The following PCDHGA1 variants were observed in gnomAD, a reference collection of about 807,000 sequenced individuals.
PCDHGA1 encodes protocadherin gamma-A1.
PCDHGA1 carries 32 observed loss-of-function variants against 58.0 expected under a neutral mutation model. The observed-to-expected ratio is 0.55, with a 90% confidence interval of 0.42 to 0.74. PCDHGA1 has a LOEUF of 0.74. Ranked by LOEUF, PCDHGA1 falls within the 30% of genes least tolerant of loss-of-function variation. The probability of loss-of-function intolerance (pLI) is 0.00; values close to 1 mark genes in which losing one functional copy is unlikely to be tolerated. For synonymous variants in PCDHGA1, 498 were observed against 501.1 expected, an observed-to-expected ratio of 0.99 and a Z score of 0.08; for missense variants, 1,205 against 1,182.3, an observed-to-expected ratio of 1.02 and a Z score of -0.28.
intron 1 of PCDHGA1, chr5:141,478,687 A>G: frequency 6.4e-7 from 1 of 1,551,218 alleles, no homozygotes; most frequent in Middle Eastern, 1.7e-4. Context: ...CCCTTCCTAG[A>G]TCAAAGTTAG....
At chr5:141,475,145 C>T (rs1214674720) in intron 1 of PCDHGA1, among the ~76,000 whole-genome samples, 2 of 151,980 alleles carry the variant, frequency 1.3e-5, no homozygotes, top group Non-Finnish European at 1.5e-5. Flanking sequence ...AAATCTTCTC[C>T]GTCTTCTTCT....
intron 1 of PCDHGA1, among the ~76,000 whole-genome samples, chr5:141,460,577 TGTG>T (rs2098992364): frequency 6.6e-6 from 1 of 152,094 alleles, no homozygotes; most frequent in African/African-American, 2.4e-5. Context: ...CATATGTAGG[TGTG>T]GGTTTTTTCT....
In PCDHGA1 at chr5:141,402,929, A is replaced by G. The variant is rs751760276; in HGVS notation, c.2421+69824A>G. 12 of 1,583,076 alleles carry G rather than the reference A, an allele frequency of 7.6e-6. No individual in the cohort carries two copies. In the South Asian group the frequency reaches 1.3e-4, roughly 17 times the overall value. On this transcript the variant is annotated intron_variant, in intron 1 of 3. Coordinates refer to ENST00000517417, the MANE Select transcript of PCDHGA1 (RefSeq NM_018912.3). ...AGCAGCGCGCACAGAGATCCTTTTG[A>G]GAAAATTCCAAAGCGAGGCAGCAAT...
At chr5:141,360,251 A>G (rs1761497607) in intron 1 of PCDHGA1, 1 of 1,613,914 alleles carries the variant, frequency 6.2e-7, no homozygotes, top group Admixed American at 1.7e-5. Context: ...TCAATTCCAG[A>G]GGAGCTGGCC....
At chr5:141,494,979 T>C in intron 2 of PCDHGA1, 114 bp downstream of exon 2, 1 of 1,571,464 alleles carries the variant, frequency 6.4e-7, no homozygotes, top group Admixed American at 1.8e-5. Flanking sequence ...TCCCTCAGTT[T>C]GAGATCCCAG....
chr5:141,402,895 A>G, intron 1 of PCDHGA1: 1 of 1,505,744 alleles, frequency 6.6e-7, no homozygotes, highest in South Asian at 1.4e-5. Context: ...GGAAGAAAGA[A>G]CCTGATGAAG....
Position 141,376,615 on chromosome 5 carries a change from T to C in PCDHGA1, c.2421+43510T>C, listed in dbSNP as rs917883333. ...GGCTGTTATAGAAGCGAACCTCTTT[T>C]GGTACAGGAAGATTCGTGATTTTGT... On this transcript the variant is annotated intron_variant, in intron 1 of 3. Transcript: ENST00000517417. 24 of 1,439,268 alleles carry C rather than the reference T, an allele frequency of 1.7e-5. 1 individual carries two copies. In the Admixed American group the frequency reaches 2.3e-4, roughly 14 times the overall value. The allele number at this position is 1,439,268 out of a possible 1,614,324, so 89.2% of individuals were successfully genotyped here.
At position 141,420,439 on chromosome 5, in the gene PCDHGA1, C is replaced by T. The variant is rs2096496531; in HGVS notation, c.2422-74368C>T. ...TTAAAACAAAAGTTTAAATTAAATGCCTCAGTCTTCCTACTATTCAAAGAC... is the reference window on the plus strand; with the variant it reads ...TTAAAACAAAAGTTTAAATTAAATGTCTCAGTCTTCCTACTATTCAAAGAC... On this transcript the variant is annotated intron_variant, in intron 1 of 3. Coordinates refer to ENST00000517417, the MANE Select transcript of PCDHGA1 (RefSeq NM_018912.3). 10 of 1,073,160 alleles carry T rather than the reference C, an allele frequency of 9.3e-6. No individual in the cohort carries two copies. In the South Asian group the frequency reaches 2.0e-4, roughly 22 times the overall value. The allele number at this position is 1,073,160 out of a possible 1,614,324, so 66.5% of individuals were successfully genotyped here.
Position 141,485,996 on chromosome 5 carries a change from G to A in PCDHGA1, c.2422-8811G>A, listed in dbSNP as rs114142606. On this transcript the variant is annotated intron_variant, in intron 1 of 3. Coordinates refer to ENST00000517417, the MANE Select transcript of PCDHGA1 (RefSeq NM_018912.3). The surrounding 1 kb of genome is among the most constrained non-coding windows in gnomAD (Gnocchi z 5.7). ...CTCAGACCCGGACCTGGGTCCCAGT[G>A]GTAACGTCACCTTTTATTTCAGTGG... The A allele has an allele frequency of 1.6e-4, 256 of 1,614,178 alleles. 1 individual carries two copies. Among genetic ancestry groups the A allele is most frequent in the Middle Eastern group, 1.5e-3 (9 of 6,062 alleles).
Position 141,489,767 on chromosome 5 carries a change from G to T in PCDHGA1, c.2422-5040G>T, listed in dbSNP as rs2099691977. On this transcript the variant is annotated intron_variant, in intron 1 of 3. Transcript: ENST00000517417. This position sits in a 1 kb window ranked among gnomAD's most constrained non-coding sequence, Gnocchi z 4.5. ...AGCTTTTACACTCTAAGCCCCAACA[G>T]CCACTTCTCTCTGAATGTGAAGACC... The T allele has an allele frequency of 6.2e-7, 1 of 1,614,028 alleles. No homozygotes were observed. Among genetic ancestry groups the T allele is most frequent in the African/African-American group, 1.3e-5 (1 of 74,938 alleles).
rs922534210 is a variant in PCDHGA1, at chr5:141,334,511, T to C, written c.2421+1406T>C. 6.6e-6 allele frequency: 1 copy of C among 152,242 alleles called. No homozygotes were observed. Among genetic ancestry groups the C allele is most frequent in the African/African-American group, 2.4e-5 (1 of 41,404 alleles). The allele number at this position is 152,242 out of a possible 1,614,324, so 9.4% of individuals were successfully genotyped here. On this transcript the variant is annotated intron_variant, in intron 1 of 3. Transcript: ENST00000517417. The surrounding 1 kb of genome is among the most constrained non-coding windows in gnomAD (Gnocchi z 4.6). ...GGGCGGGGCGGGGCAGGAGCTGACG[T>C]GGGAGGATCCCTTGAGCCCAGGAAG... is the stretch of plus-strand genomic sequence containing the variant.
Position 141,352,545 on chromosome 5 carries a change from A to G in PCDHGA1, c.2421+19440A>G, listed in dbSNP as rs757217800. 16 of 1,613,950 alleles carry G rather than the reference A, an allele frequency of 9.9e-6. No homozygotes were observed. Among genetic ancestry groups the G allele is most frequent in the Non-Finnish European group, 1.4e-5 (16 of 1,179,878 alleles). ...TCTCATTCTGCAAAGACAGAGTTTA[A>G]TTCTCTCAACCTGACACCGGAAATG... On this transcript the variant is annotated intron_variant, in intron 1 of 3. Transcript: ENST00000517417.
intron 1 of PCDHGA1, chr5:141,376,901 A>G: frequency 5.2e-6 from 1 of 191,460 alleles, no homozygotes. Context: ...GTTAGCCAGG[A>G]TGGTCTCGAT....
Position 141,490,004 on chromosome 5 carries a change from C to T in PCDHGA1, c.2422-4803C>T. On this transcript the variant is annotated intron_variant, in intron 1 of 3. Coordinates refer to ENST00000517417, the MANE Select transcript of PCDHGA1 (RefSeq NM_018912.3). This position sits in a 1 kb window ranked among gnomAD's most constrained non-coding sequence, Gnocchi z 5.4. ...CTACGTGTGGGAATCCCAGAGAATG[C>T]ACCCATTGGTACTCTGCTGCTCCGC... The T allele has an allele frequency of 1.9e-6, 3 of 1,614,174 alleles. No individual in the cohort carries two copies. Among genetic ancestry groups the T allele is most frequent in the Non-Finnish European group, 2.5e-6 (3 of 1,179,980 alleles).
intron 1 of PCDHGA1, among the ~76,000 whole-genome samples, chr5:141,346,816 T>C (rs1341406572): frequency 6.6e-6 from 1 of 152,256 alleles, no homozygotes; most frequent in East Asian, 1.9e-4. Context: ...CTGGTTTGTA[T>C]ACCTGTGATA....
chr5:141,356,038 T>C, intron 1 of PCDHGA1: 1 of 1,613,970 alleles, frequency 6.2e-7, no homozygotes, highest in Non-Finnish European at 8.5e-7. Flanking sequence ...CGTGACGTAT[T>C]CTTTCCGGAA....
chr5:141,343,903 C>T (rs1482315579), intron 1 of PCDHGA1: 2 of 839,676 alleles, frequency 2.4e-6, no homozygotes, highest in African/African-American at 1.7e-5. Flanking sequence ...GCCAACCTCA[C>T]CTCTTAGTCA....
intron 1 of PCDHGA1, chr5:141,427,469 C>A: frequency 2.0e-6 from 1 of 510,092 alleles, no homozygotes; most frequent in Non-Finnish European, 3.8e-6. Flanking sequence ...TCGAATCTTC[C>A]GCCAATAATG....
intron 1 of PCDHGA1, chr5:141,393,269 T>C (rs1481759237): frequency 1.2e-6 from 2 of 1,613,832 alleles, no homozygotes; most frequent in Non-Finnish European, 1.7e-6. Flanking sequence ...GAGCACGTTA[T>C]CCACTCCCAG....
Sources: gnomAD v4.1 joint callset for allele counts (sites outside exome capture counted in the v4.1 genomes callset) on GRCh38, gnomAD v4.1.1 for gene constraint, Gnocchi (gnomAD v3.1) non-coding constraint, MANE v1.5 for transcripts, NCBI Gene and HGNC (gene_info 2026-07-23, HGNC 2026-07-21) for gene names.